CCDC191: variants seen among roughly 807,000 people sequenced by gnomAD.
CCDC191 encodes the protein coiled-coil domain-containing protein 191.
In CCDC191, 99 loss-of-function variants were observed where a neutral mutation model predicts 114.0. The observed-to-expected ratio is 0.87, with a 90% CI of 0.74 to 1.03. The LOEUF (loss-of-function observed/expected upper bound fraction) is 1.03, where lower values mean the gene tolerates loss of function less well. Ranked by LOEUF, CCDC191 falls within the 50% of genes least tolerant of loss-of-function variation. The pLI is 0.00. For missense variants in CCDC191, 973 were observed against 1,087.0 expected, an observed-to-expected ratio of 0.90 and a Z score of 1.47; for synonymous variants, 351 against 376.0, an observed-to-expected ratio of 0.93 and a Z score of 0.77.
chr3:113,980,913 C>T, intron 13 of CCDC191, 120 bp from the exon 14 acceptor site: 1 of 905,462 alleles, frequency 1.1e-6, no homozygotes, highest in Non-Finnish European at 1.7e-6. Flanking sequence ...ATCATGATAA[C>T]AGAGCTCTGG....
At chr3:114,027,107 G>C (rs2076330934) in intron 7 of CCDC191, among the ~76,000 whole-genome samples, 1 of 152,168 alleles carries the variant, frequency 6.6e-6, no homozygotes, top group Non-Finnish European at 1.5e-5. Context: ...TTCACTGTAA[G>C]ATCAAAGAGA....
chr3:114,019,628 C>G (rs1255566795), intron 7 of CCDC191, among the ~76,000 whole-genome samples: 1 of 152,180 alleles, frequency 6.6e-6, no homozygotes, highest in Non-Finnish European at 1.5e-5. Flanking sequence ...AGCTTTTGGC[C>G]TTGACACCAA....
At chr3:114,048,845 G>C (rs2076664541) in intron 2 of CCDC191, among the ~76,000 whole-genome samples, 1 of 152,228 alleles carries the variant, frequency 6.6e-6, no homozygotes, top group African/African-American at 2.4e-5. Flanking sequence ...ACCAAGAACA[G>C]TGCTTGGCAC....
At chr3:114,055,430 T>C (rs1345401277) in intron 1 of CCDC191, among the ~76,000 whole-genome samples, 1 of 152,260 alleles carries the variant, frequency 6.6e-6, no homozygotes, top group Non-Finnish European at 1.5e-5. Flanking sequence ...TGCTTCAGTC[T>C]GTGCCCTCTA....
chr3:114,028,275 ATT>A (rs920211150), intron 7 of CCDC191, among the ~76,000 whole-genome samples: 54 of 126,838 alleles, frequency 4.3e-4, no homozygotes, highest in Middle Eastern at 4.2e-3. Flanking sequence ...AATTCTAAAA[ATT>A]TTTTTTTTTT....
Position 114,017,943 on chromosome 3 carries a change from A to G in CCDC191, c.1163+735T>C, listed in dbSNP as rs140102777. On this transcript the variant is annotated intron_variant, in intron 8 of 16. Transcript: ENST00000295878. ...AGAATGCAAACTTGAACTTGTAAAT[A>G]ATAATAAGAAAATTATTTGATTTTA... Among the ~76,000 whole-genome samples the G allele has an allele frequency of 1.1e-3, 165 of 152,346 alleles. 3 individuals carry two copies. In the East Asian group the frequency reaches 0.028, roughly 26 times the overall value.
At chr3:114,038,925 G>A (rs2076523895) in intron 4 of CCDC191, among the ~76,000 whole-genome samples, 1 of 152,056 alleles carries the variant, frequency 6.6e-6, no homozygotes, top group Non-Finnish European at 1.5e-5. Flanking sequence ...TAGGATGCTG[G>A]GCTTAATACC....
At position 114,036,603 on chromosome 3, in the gene CCDC191, C is replaced by G; in HGVS notation, c.594+5G>C. The G allele has an allele frequency of 6.4e-7, 1 of 1,572,000 alleles. No homozygotes were observed. The highest frequency in any genetic ancestry group is 8.6e-7 in the Non-Finnish European group (1 of 1,160,160). On this transcript the variant is annotated splice_donor_5th_base_variant and intron_variant, in intron 5 of 16. Coordinates refer to ENST00000295878, the MANE Select transcript of CCDC191 (RefSeq NM_020817.2). ...ATCCATTTTAATTTTGTTTTTCCCT[C>G]CCACCTGCTTATGTCTCATCTCCAT...
intron 3 of CCDC191, 95 bp from the exon 4 acceptor site, chr3:114,042,941 C>A (rs149446910): frequency 8.6e-6 from 10 of 1,167,968 alleles, no homozygotes; most frequent in South Asian, 5.8e-5. Flanking sequence ...TAATTGAGTA[C>A]CTATCGTGTC....
rs567446454 is a variant in CCDC191, at chr3:114,042,479, G to C, written c.415+224C>G. On this transcript the variant is annotated intron_variant, in intron 4 of 16. Coordinates refer to ENST00000295878, the MANE Select transcript of CCDC191 (RefSeq NM_020817.2). ...GGAACTAATTCCTCACAGTTAGTTA[G>C]GGATAACTGTAATAGAATATTTTAA... Among the ~76,000 whole-genome samples, 39 of 152,158 alleles carry C rather than the reference G, an allele frequency of 2.6e-4. 1 individual carries two copies. The South Asian group carries it at 7.5e-3, about 29-fold the overall frequency.
chr3:113,978,341 A>AAGAC lies in CCDC191; in HGVS notation c.2461-14_2461-11dup. 1 of 1,613,166 alleles carries AAGAC rather than the reference A, an allele frequency of 6.2e-7. No individual in the cohort carries two copies. The highest frequency in any genetic ancestry group is 1.1e-5 in the South Asian group (1 of 91,032). On this transcript the variant is annotated splice_polypyrimidine_tract_variant and intron_variant, in intron 15 of 16. Transcript: ENST00000295878. The stretch of plus-strand genomic sequence containing the variant: ...GCAGATCAATCACGTACTGGGGATG[A>AAGAC]AGACAGAAATAAAAGTGAGACAAAA...
chr3:114,003,213 T>C (rs560403444), intron 11 of CCDC191: 41 of 985,306 alleles, frequency 4.2e-5, no homozygotes, highest in Middle Eastern at 5.2e-4. Context: ...TCTGATAATA[T>C]GACTCTATAA....
intron 7 of CCDC191, among the ~76,000 whole-genome samples, chr3:114,024,469 G>A (rs2076290071): frequency 6.6e-6 from 1 of 152,156 alleles, no homozygotes; most frequent in Non-Finnish European, 1.5e-5. Context: ...AACAATGATA[G>A]ACTGGATTAA....
At chr3:113,970,896 CTCA>C (rs1940742619) in intron 16 of CCDC191, among the ~76,000 whole-genome samples, 1 of 152,142 alleles carries the variant, frequency 6.6e-6, no homozygotes. Context: ...AGGACATGAA[CTCA>C]TCATTTTTTA....
At chr3:114,028,650 G>A (rs1033350637) in intron 7 of CCDC191, among the ~76,000 whole-genome samples, 3 of 151,840 alleles carry the variant, frequency 2.0e-5, no homozygotes, top group Non-Finnish European at 2.9e-5. Flanking sequence ...GATAATGAGA[G>A]CCAGGTTTCT....
intron 13 of CCDC191, among the ~76,000 whole-genome samples, chr3:113,999,778 CTCTTAT>C (rs1373199705): frequency 6.6e-6 from 1 of 152,086 alleles, no homozygotes; most frequent in Non-Finnish European, 1.5e-5. Context: ...ATTTTCTTTC[CTCTTAT>C]TCTTTTATAC....
chr3:114,028,690 C>T lies in CCDC191; in HGVS notation c.972+2936G>A, dbSNP rs192824465. Among the ~76,000 whole-genome samples, 34 of 151,586 alleles carry T rather than the reference C, an allele frequency of 2.2e-4. No homozygotes were observed. The East Asian group carries it at 5.4e-3, about 24-fold the overall frequency. ...GTCAGAGAAAGAAATTACAAGTGAGCGAGATGGAAAGACTACACTGAAACC... is the reference window on the plus strand; with the variant it reads ...GTCAGAGAAAGAAATTACAAGTGAGTGAGATGGAAAGACTACACTGAAACC... On this transcript the variant is annotated intron_variant, in intron 7 of 16. Transcript: ENST00000295878.
chr3:114,047,040 A>G, intron 2 of CCDC191: 1 of 951,102 alleles, frequency 1.1e-6, no homozygotes, highest in African/African-American at 1.8e-5. Context: ...ATCCTGAGAC[A>G]TGGATATTTT....
chr3:114,035,010 C>T lies in CCDC191; in HGVS notation c.733G>A (p.Glu245Lys), dbSNP rs755756296. 5.0e-6 allele frequency: 8 copies of T among 1,614,110 alleles called. No homozygotes were observed. In the South Asian group the frequency reaches 6.6e-5, roughly 13 times the overall value. Residue 245 changes from glutamate (E) to lysine (K), a missense_variant, in exon 6 of 17, where the codon GAG (glutamate) becomes AAG (lysine). Physicochemically the swap from Glu to Lys is moderately conservative, Grantham distance 56. Transcript: ENST00000295878. ...KKRKALEAKK[E>K]EEEIQREMVK... ...ATCTCCCTTTGAATCTCCTCTTCCT[C>T]TTTCTTGGCCTCCAGAGCCTTCCTT...
Sources: allele counts gnomAD v4.1 joint callset (sites outside exome capture counted in the v4.1 genomes callset), GRCh38; gene constraint gnomAD v4.1.1; transcripts MANE v1.5; gene names NCBI Gene and HGNC (gene_info 2026-07-23, HGNC 2026-07-21).